The following GLB1L2 variants were observed in gnomAD, a reference collection of about 807,000 sequenced individuals.
GLB1L2 encodes the protein beta-galactosidase-1-like protein 2.
GLB1L2 carries 68 observed loss-of-function variants against 84.1 expected under a neutral mutation model. The observed-to-expected ratio is 0.81, with a 90% CI of 0.67 to 0.99. The LOEUF is 0.99. GLB1L2 is among the 50% of genes least tolerant of loss of function. The pLI is 0.00. For missense variants in GLB1L2, 762 were observed against 805.6 expected (o/e 0.95, Z 0.66); for synonymous variants, 290 against 318.0 (o/e 0.91, Z 0.94).
At position 134,338,655 on chromosome 11, in the gene GLB1L2, G is replaced by A. The variant is rs1415276323; in HGVS notation, c.87-4099G>A. 6.6e-6 allele frequency among the ~76,000 whole-genome samples: 1 copy of A among 152,196 alleles called. No homozygotes were observed. Among genetic ancestry groups the A allele is most frequent in the East Asian group, 1.9e-4 (1 of 5,200 alleles). ...CTCACCACGGGGCACAGCAGAACTTGGTACCTATGTCCTCTGCTTCAGGTT... is the reference window on the plus strand; with the variant it reads ...CTCACCACGGGGCACAGCAGAACTTAGTACCTATGTCCTCTGCTTCAGGTT... On this transcript the variant is annotated intron_variant, in intron 1 of 18. Coordinates refer to ENST00000535456, the MANE Select transcript of GLB1L2 (RefSeq NM_001370461.1). This position sits in a 1 kb window ranked among gnomAD's most constrained non-coding sequence, Gnocchi z 6.2.
intron 6 of GLB1L2, among the ~76,000 whole-genome samples, chr11:134,358,083 G>T (rs930560327): frequency 1.3e-5 from 2 of 152,332 alleles, no homozygotes; most frequent in Middle Eastern, 3.4e-3. Flanking sequence ...CCTTCCCCGC[G>T]TGTGGGACTG....
Position 134,368,722 on chromosome 11 carries a change from T to C in GLB1L2, c.968T>C (p.Phe323Ser). Residue 323 changes from phenylalanine (F) to serine (S), a missense_variant, in exon 10 of 19, where the codon TTT becomes TCT. This residue lies in a region of GLB1L2 where 603 missense variants were observed against 611.7 expected (regional missense o/e 0.99). Coordinates refer to ENST00000535456, the MANE Select transcript of GLB1L2 (RefSeq NM_001370461.1). The part of the protein sequence containing the change: ...NLYMFHGGTN[F>S]GFMNGAMHFH... The stretch of plus-strand genomic sequence containing the variant: ...TACATGTTCCACGGAGGCACCAACT[T>C]TGGCTTCATGAATGGAGCCATGCAC... 2 of 1,614,042 alleles carry C rather than the reference T, an allele frequency of 1.2e-6. No individual in the cohort carries two copies. The highest frequency in any genetic ancestry group is 1.7e-6 in the Non-Finnish European group (2 of 1,180,008).
rs751430334 is a variant in GLB1L2 at position 134,374,725 on chromosome 11, G to T, written c.1824+7G>T. ...GAGCAGCGGAATCAACCAGGTGGGA[G>T]CTTCCAGCCCCTTCCTGTTCCCCAT... On this transcript the variant is annotated splice_region_variant and intron_variant, in intron 18 of 18. Transcript: ENST00000535456. 6.2e-7 allele frequency: 1 copy of T among 1,603,616 alleles called. No individual in the cohort carries two copies. The highest frequency in any genetic ancestry group is 8.5e-7 in the Non-Finnish European group (1 of 1,170,612).
chr11:134,342,320 G>T (rs905741782), intron 1 of GLB1L2, among the ~76,000 whole-genome samples: 3 of 152,210 alleles, frequency 2.0e-5, no homozygotes, highest in Admixed American at 2.0e-4. Context: ...CCTCTTTCCA[G>T]GTCTCTGCTC....
chr11:134,343,042 G>A lies in GLB1L2; in HGVS notation c.284+91G>A. 4.4e-6 allele frequency: 6 copies of A among 1,355,430 alleles called. No individual in the cohort carries two copies. In the South Asian group the frequency reaches 8.4e-5, roughly 19 times the overall value. The allele number at this position is 1,355,430 out of a possible 1,614,324, so 84.0% of individuals were successfully genotyped here. The stretch of plus-strand genomic sequence containing the variant: ...AAAAATATAAGAGGAACCGGCCCAG[G>A]TCCTCTGCCCAGGGCGAGAGAGCCA... On this transcript the variant is annotated intron_variant, in intron 2 of 18. Coordinates refer to ENST00000535456, the MANE Select transcript of GLB1L2 (RefSeq NM_001370461.1).
chr11:134,341,837 A>G (rs1312103469), intron 1 of GLB1L2, among the ~76,000 whole-genome samples: 1 of 152,042 alleles, frequency 6.6e-6, no homozygotes, highest in Non-Finnish European at 1.5e-5. Flanking sequence ...TGTGACACTC[A>G]GCTGAGGGGC....
intron 15 of GLB1L2, among the ~76,000 whole-genome samples, chr11:134,373,053 T>TTGAGAAATGCGCGTGCCCAC (rs1252842124): frequency 6.6e-6 from 1 of 152,198 alleles, no homozygotes; most frequent in Non-Finnish European, 1.5e-5. Flanking sequence ...CAGACCTCCC[T>TTGAGAAATGCGCGTGCCCAC]TGAGAAATGC....
At chr11:134,344,646 T>C (rs1022170391) in intron 3 of GLB1L2, among the ~76,000 whole-genome samples, 191 bp downstream of exon 3, 5 of 152,294 alleles carry the variant, frequency 3.3e-5, no homozygotes, top group African/African-American at 1.2e-4. Flanking sequence ...GGACTGGGCC[T>C]GCAGCCTCCG....
intron 1 of GLB1L2, among the ~76,000 whole-genome samples, chr11:134,341,382 G>A (rs202134054): frequency 1.3e-5 from 2 of 151,438 alleles, no homozygotes; most frequent in African/African-American, 4.8e-5. Flanking sequence ...CTAACCCAAG[G>A]CGACAGTTCT....
chr11:134,352,205 A>T (rs1377312012), intron 5 of GLB1L2, among the ~76,000 whole-genome samples: 1 of 152,100 alleles, frequency 6.6e-6, no homozygotes, highest in Non-Finnish European at 1.5e-5. Flanking sequence ...TGTGTGTTTC[A>T]TCTAGGTTAT....
chr11:134,366,747 T>A (rs547978559), intron 8 of GLB1L2, among the ~76,000 whole-genome samples: 24 of 152,254 alleles, frequency 1.6e-4, no homozygotes, highest in African/African-American at 5.5e-4. Context: ...GGCCCTGATT[T>A]TCTGGTTCAG....
At chr11:134,347,254 C>T (rs1943564579) in intron 4 of GLB1L2, 71 bp from the exon 5 acceptor site, 3 of 1,110,584 alleles carry the variant, frequency 2.7e-6, no homozygotes, top group Non-Finnish European at 4.2e-6. Flanking sequence ...CCTTCTCACG[C>T]ATCAACAGCC....
At chr11:134,346,786 G>C (rs566358326) in intron 4 of GLB1L2, 1 of 155,708 alleles carries the variant, frequency 6.4e-6, no homozygotes, top group African/African-American at 2.4e-5. Context: ...ACAGGGTGGA[G>C]GGAGAATTCA....
intron 5 of GLB1L2, chr11:134,355,945 C>T (rs1295088418): frequency 6.3e-6 from 3 of 473,280 alleles, no homozygotes; most frequent in Non-Finnish European, 1.3e-5. Context: ...ACGCATCCTC[C>T]TGACCACACC....
intron 4 of GLB1L2, 55 bp from the exon 5 acceptor site, chr11:134,347,270 A>G (rs924375558): frequency 4.8e-5 from 65 of 1,368,366 alleles, no homozygotes; most frequent in Non-Finnish European, 6.2e-5. Context: ...CAGCCTGCTC[A>G]CAGCAAACCC....
At chr11:134,343,898 T>A (rs1293777596) in intron 2 of GLB1L2, among the ~76,000 whole-genome samples, 1 of 152,238 alleles carries the variant, frequency 6.6e-6, no homozygotes, top group African/African-American at 2.4e-5. Context: ...GCAGCTGCCA[T>A]CACTGTGTCA....
Position 134,339,833 on chromosome 11 carries a change from C to T in GLB1L2, c.87-2921C>T, listed in dbSNP as rs1425290941. Among the ~76,000 whole-genome samples the T allele has an allele frequency of 3.9e-5, 6 of 152,094 alleles. No homozygotes were observed. Among genetic ancestry groups the T allele is most frequent in the African/African-American group, 9.7e-5 (4 of 41,414 alleles). On this transcript the variant is annotated intron_variant, in intron 1 of 18. Transcript: ENST00000535456. The surrounding 1 kb of genome is among the most constrained non-coding windows in gnomAD (Gnocchi z 5.7). ...ATTTCTGACAAGCTGCGGATGAAGA[C>T]CTGGAAATCTGGTTGGTGGATAGAA...
intron 4 of GLB1L2, among the ~76,000 whole-genome samples, chr11:134,345,777 CTCTT>C (rs1255948400): frequency 6.6e-6 from 1 of 152,164 alleles, no homozygotes; most frequent in Non-Finnish European, 1.5e-5. Flanking sequence ...CCTTCCCTAT[CTCTT>C]TCTTAGGAAT....
Position 134,334,965 on chromosome 11 carries a change from G to A in GLB1L2, c.86+2818G>A, listed in dbSNP as rs1039359624. On this transcript the variant is annotated intron_variant, in intron 1 of 18. Coordinates refer to ENST00000535456, the MANE Select transcript of GLB1L2 (RefSeq NM_001370461.1). This position sits in a 1 kb window ranked among gnomAD's most constrained non-coding sequence, Gnocchi z 4.1. ...TTTTCCTTAATATAAATGAATCACC[G>A]AGCAAGAATACAGGCAACGCTGCAT... 1.1e-4 allele frequency among the ~76,000 whole-genome samples: 16 copies of A among 152,050 alleles called. No individual in the cohort carries two copies. The highest frequency in any genetic ancestry group is 5.9e-4 in the Admixed American group (9 of 15,276).
Sources: gnomAD v4.1 joint callset for allele counts (sites outside exome capture counted in the v4.1 genomes callset) on GRCh38, gnomAD v4.1.1 for gene constraint, gnomAD v4.1.1 regional missense constraint, Gnocchi (gnomAD v3.1) non-coding constraint, MANE v1.5 for transcripts, NCBI Gene and HGNC (gene_info 2026-07-23, HGNC 2026-07-21) for gene names.